PCDHGA11: variants seen among roughly 807,000 people sequenced by gnomAD.
PCDHGA11 encodes the protein protocadherin gamma-A11.
Under a neutral mutation model 60.4 loss-of-function variants are expected in PCDHGA11, and 39 were observed. The observed-to-expected ratio is 0.65, with a 90% CI of 0.50 to 0.84. PCDHGA11 has a LOEUF of 0.84. Ranked by LOEUF, PCDHGA11 falls within the 40% of genes least tolerant of loss-of-function variation. The probability of loss-of-function intolerance (pLI) is 0.00; values close to 1 mark genes in which losing one functional copy is unlikely to be tolerated. For synonymous variants in PCDHGA11, 533 were observed against 510.3 expected, an observed-to-expected ratio of 1.04 and a Z score of -0.60; for missense variants, 1,165 against 1,197.7, an observed-to-expected ratio of 0.97 and a Z score of 0.40.
At position 141,431,784 on chromosome 5, in the gene PCDHGA11, A is replaced by G; in HGVS notation, c.2433+8124A>G. On this transcript the variant is annotated intron_variant, in intron 1 of 3. Coordinates refer to ENST00000398587, the MANE Select transcript of PCDHGA11 (RefSeq NM_018914.3). The surrounding 1 kb of genome is among the most constrained non-coding windows in gnomAD (Gnocchi z 4.8). ...CTGATCACTGTTCTGGACGTGAACG[A>G]CAATGCCCCAGAAGTGGTCCTCACC... 1 of 1,614,220 alleles carries G rather than the reference A, an allele frequency of 6.2e-7. No individual in the cohort carries two copies. Among genetic ancestry groups the G allele is most frequent in the Non-Finnish European group, 8.5e-7 (1 of 1,180,022 alleles).
rs374562798 is a variant in PCDHGA11 at position 141,422,020 on chromosome 5, G to A, written c.793G>A (p.Val265Ile). The stretch of plus-strand genomic sequence containing the variant: ...CAGCTCCGGAACTCGGGTGCTGATG[G>A]TTAATGCAACGGATCCAGACGAGGG... ...NISSGTRVLM[V>I]NATDPDEGIN... Residue 265 changes from valine to isoleucine, a missense_variant, in exon 1 of 4, where the codon GTT (valine) becomes ATT (isoleucine). Val to Ile is a conservative substitution (Grantham distance 29, BLOSUM62 3). Transcript: ENST00000398587. 1.2e-6 allele frequency: 2 copies of A among 1,610,932 alleles called. No individual in the cohort carries two copies. The highest frequency in any genetic ancestry group is 1.7e-6 in the Non-Finnish European group (2 of 1,178,854).
rs761905572 is a variant in PCDHGA11 at position 141,486,493 on chromosome 5, T to A, written c.2434-8314T>A. The A allele has an allele frequency of 2.5e-6, 4 of 1,614,136 alleles. No homozygotes were observed. The highest frequency in any genetic ancestry group is 1.7e-4 in the Middle Eastern group (1 of 6,060). On this transcript the variant is annotated intron_variant, in intron 1 of 3. Transcript: ENST00000398587. This position sits in a 1 kb window ranked among gnomAD's most constrained non-coding sequence, Gnocchi z 5.0. ...ACCCTCCTCTCAGTACCCACAGAAC[T>A]ATTTTCCTCAATATTTCAGATGTGA... is the stretch of plus-strand genomic sequence containing the variant.
chr5:141,447,064 C>T (rs1453083716), intron 1 of PCDHGA11, among the ~76,000 whole-genome samples: 1 of 152,064 alleles, frequency 6.6e-6, no homozygotes, highest in Non-Finnish European at 1.5e-5. Context: ...ATGTGTCAGG[C>T]TGTTTTAATT....
In PCDHGA11 at chr5:141,485,053, G is replaced by A. The variant is rs555996081; in HGVS notation, c.2434-9754G>A. On this transcript the variant is annotated intron_variant, in intron 1 of 3. Coordinates refer to ENST00000398587, the MANE Select transcript of PCDHGA11 (RefSeq NM_018914.3). The surrounding 1 kb of genome is among the most constrained non-coding windows in gnomAD (Gnocchi z 5.7). ...GCGCGTAACCCTTGCGGCGCCGGCC[G>A]AACCGCGCCAGAGCTGGCGCGGGGA... 6.9e-5 allele frequency: 57 copies of A among 820,742 alleles called. 2 individuals carry two copies. In the South Asian group the frequency reaches 9.3e-4, roughly 13 times the overall value. 50.8% of individuals were successfully genotyped at this position (820,742 alleles called of 1,614,324 possible).
In PCDHGA11 at chr5:141,491,225, T is replaced by G. The variant is rs764111440; in HGVS notation, c.2434-3582T>G. The stretch of plus-strand genomic sequence containing the variant: ...CCTTCACTCTCCTCCACAGCCACAG[T>G]GCTGCTGGTTCTGGAGGATGAGGAC... On this transcript the variant is annotated intron_variant, in intron 1 of 3. Transcript: ENST00000398587. This position sits in a 1 kb window ranked among gnomAD's most constrained non-coding sequence, Gnocchi z 6.9. 6.2e-7 allele frequency: 1 copy of G among 1,614,232 alleles called. No individual in the cohort carries two copies. Among genetic ancestry groups the G allele is most frequent in the Non-Finnish European group, 8.5e-7 (1 of 1,180,028 alleles).
intron 1 of PCDHGA11, among the ~76,000 whole-genome samples, chr5:141,436,839 A>G (rs1247924864): frequency 6.6e-6 from 1 of 152,260 alleles, no homozygotes; most frequent in African/African-American, 2.4e-5. Flanking sequence ...GTGCCTAGGC[A>G]CATTCTTGAT....
intron 2 of PCDHGA11, among the ~76,000 whole-genome samples, chr5:141,499,022 A>C (rs1244590420): frequency 2.7e-5 from 4 of 150,722 alleles, no homozygotes; most frequent in Admixed American, 2.0e-4. Context: ...GGAAGGAAGG[A>C]AGGAAGAAAA....
intron 1 of PCDHGA11, chr5:141,478,354 C>G (rs141625672): frequency 2.8e-5 from 45 of 1,613,660 alleles, no homozygotes; most frequent in Non-Finnish European, 3.2e-5. Flanking sequence ...ACGCGGACGC[C>G]GTGCGGGGAG....
intron 1 of PCDHGA11, among the ~76,000 whole-genome samples, chr5:141,460,807 A>G (rs2098998307): frequency 6.6e-6 from 1 of 151,962 alleles, no homozygotes; most frequent in Non-Finnish European, 1.5e-5. Context: ...ATATATATGT[A>G]TGTATACATA....
chr5:141,450,181 C>A (rs2098672863), intron 1 of PCDHGA11, among the ~76,000 whole-genome samples: 1 of 151,572 alleles, frequency 6.6e-6, no homozygotes, highest in African/African-American at 2.4e-5. Flanking sequence ...CCACACCCAG[C>A]TAATTTTTGT....
rs765535731 is a variant in PCDHGA11, at chr5:141,427,976, G to T, written c.2433+4316G>T. On this transcript the variant is annotated intron_variant, in intron 1 of 3. Transcript: ENST00000398587. ...ATGTGCCGCGGGTGCTGTACCCCGC[G>T]CTGGGGCCCGATGGCTCCGCACTCT... 1.1e-5 allele frequency: 17 copies of T among 1,594,884 alleles called. No individual in the cohort carries two copies. The East Asian group carries it at 1.6e-4, about 15-fold the overall frequency.
chr5:141,423,169 C>T lies in PCDHGA11; in HGVS notation c.1942C>T (p.Gln648Ter), dbSNP rs747206648. ...CAAGCAGAGCCTCGTGGTGGCCGTC[C>T]AGGACCACGGCCAGCCCCCTCTCTC... Reference protein sequence around the residue: ...ALKQSLVVAVQDHGQPPLSAT... With the variant: ...ALKQSLVVAV The change falls in exon 1 of 4, where the codon CAG becomes TAG. Residue 648 changes from glutamine (Q) to a stop codon, truncating the protein, a stop_gained. Transcript: ENST00000398587. LOFTEE classifies it high-confidence loss of function. 2.5e-6 allele frequency: 4 copies of T among 1,613,460 alleles called. No individual in the cohort carries two copies. The highest frequency in any genetic ancestry group is 3.3e-5 in the Admixed American group (2 of 60,016).
At chr5:141,494,972 C>A in intron 2 of PCDHGA11, 107 bp downstream of exon 2, 1 of 1,581,852 alleles carries the variant, frequency 6.3e-7, no homozygotes, top group South Asian at 1.1e-5. Flanking sequence ...TGGCTTCTCC[C>A]TCAGTTTGAG....
intron 1 of PCDHGA11, among the ~76,000 whole-genome samples, chr5:141,480,960 A>G (rs954219522): frequency 1.3e-5 from 2 of 152,190 alleles, no homozygotes; most frequent in African/African-American, 4.8e-5. Context: ...CGGAAGCATC[A>G]GTGAGGGAGA....
Position 141,486,316 on chromosome 5 carries a change from A to G in PCDHGA11, c.2434-8491A>G, listed in dbSNP as rs1251956899. The G allele has an allele frequency of 6.2e-7, 1 of 1,614,066 alleles. No individual in the cohort carries two copies. On this transcript the variant is annotated intron_variant, in intron 1 of 3. Transcript: ENST00000398587. This position sits in a 1 kb window ranked among gnomAD's most constrained non-coding sequence, Gnocchi z 5.0. ...GTGTGCAGGATCCAGACTCAGGGTC[A>G]AACGGAGATGTGAGCCTCCGCATTC...
chr5:141,443,367 C>T (rs1305408862), intron 1 of PCDHGA11, among the ~76,000 whole-genome samples: 1 of 151,712 alleles, frequency 6.6e-6, no homozygotes, highest in African/African-American at 2.4e-5. Flanking sequence ...TGCCTGTGGT[C>T]TCAGCTACTT....
rs1424221139 is a variant in PCDHGA11, at chr5:141,491,867, T to G, written c.2434-2940T>G. On this transcript the variant is annotated intron_variant, in intron 1 of 3. Coordinates refer to ENST00000398587, the MANE Select transcript of PCDHGA11 (RefSeq NM_018914.3). The surrounding 1 kb of genome is among the most constrained non-coding windows in gnomAD (Gnocchi z 6.9). ...TTGGACCGTTTGCGCGAAACCAGAG[T>G]GGCCGATTAAGGGATGGGGCTCCGA... 2 of 1,452,218 alleles carry G rather than the reference T, an allele frequency of 1.4e-6. No homozygotes were observed. The highest frequency in any genetic ancestry group is 1.8e-6 in the Non-Finnish European group (2 of 1,099,056). 90.0% of individuals were successfully genotyped at this position (1,452,218 alleles called of 1,614,324 possible).
chr5:141,439,118 G>A (rs1293542421), intron 1 of PCDHGA11, among the ~76,000 whole-genome samples: 3 of 151,390 alleles, frequency 2.0e-5, no homozygotes, highest in Non-Finnish European at 4.4e-5. Flanking sequence ...ACTTGAACCC[G>A]GGAGACAGAG....
chr5:141,447,885 A>T (rs2098554278), intron 1 of PCDHGA11, among the ~76,000 whole-genome samples: 1 of 152,134 alleles, frequency 6.6e-6, no homozygotes, highest in Admixed American at 6.6e-5. Context: ...CAGGAGTTCG[A>T]GACCAGCCTG....
Sources: gnomAD v4.1 joint callset for allele counts (sites outside exome capture counted in the v4.1 genomes callset) on GRCh38, gnomAD v4.1.1 for gene constraint, Gnocchi (gnomAD v3.1) non-coding constraint, MANE v1.5 for transcripts, NCBI Gene and HGNC (gene_info 2026-07-23, HGNC 2026-07-21) for gene names.